The following PLXNA2 variants were observed in gnomAD, a reference collection of about 807,000 sequenced individuals.
PLXNA2 encodes plexin-A2.
PLXNA2 carries 91 observed loss-of-function variants against 193.5 expected under a neutral mutation model. The ratio of observed to expected loss-of-function variants is 0.47; its 90% CI spans 0.40 to 0.56. The LOEUF is 0.56. Among genes scored for constraint, PLXNA2 ranks in the 20% least tolerant of loss-of-function variants. The pLI, the probability that PLXNA2 is intolerant of heterozygous loss-of-function variation, is 0.00. For missense variants in PLXNA2, 1,995 were observed against 2,503.2 expected (o/e 0.80, Z 4.33); for synonymous variants, 997 against 1,027.3 (o/e 0.97, Z 0.56).
chr1:208,108,006 T>A (rs1667328293), intron 4 of PLXNA2, among the ~76,000 whole-genome samples: 1 of 152,222 alleles, frequency 6.6e-6, no homozygotes, highest in Non-Finnish European at 1.5e-5. Flanking sequence ...TACTCTTATT[T>A]AAAGGTGACT....
chr1:208,235,918 G>C (rs1390649676), intron 1 of PLXNA2, among the ~76,000 whole-genome samples: 2 of 152,182 alleles, frequency 1.3e-5, no homozygotes, highest in African/African-American at 2.4e-5. Context: ...ATAAACCTCA[G>C]GGGGTGGGGT....
intron 3 of PLXNA2, among the ~76,000 whole-genome samples, chr1:208,194,348 C>T (rs1287368331): frequency 6.6e-6 from 1 of 151,730 alleles, no homozygotes; most frequent in African/African-American, 2.4e-5. Context: ...CTCCATGCAG[C>T]CCACCCGATG....
intron 6 of PLXNA2, 48 bp downstream of exon 6, chr1:208,098,798 T>C (rs755193312): frequency 6.3e-7 from 1 of 1,595,308 alleles, no homozygotes; most frequent in Non-Finnish European, 8.6e-7. Flanking sequence ...CCCACACAGG[T>C]GCATGCACTG....
intron 9 of PLXNA2, among the ~76,000 whole-genome samples, chr1:208,085,792 T>C (rs1262445523): frequency 6.6e-6 from 1 of 152,202 alleles, no homozygotes; most frequent in Non-Finnish European, 1.5e-5. Context: ...CCAGCCATAC[T>C]GAATGTATGG....
chr1:208,115,865 A>C (rs910413797), intron 4 of PLXNA2, among the ~76,000 whole-genome samples: 3 of 152,238 alleles, frequency 2.0e-5, no homozygotes, highest in Admixed American at 6.5e-5. Flanking sequence ...CAATAATACA[A>C]AACACAGTTT....
chr1:208,092,833 CA>C lies in PLXNA2; in HGVS notation c.2049del (p.His683GlnfsTer29). ...TCCTGGAAGGAGCAGGTGGTGGGGT[CA>C]TGAGTGCAGAGGTTGCGGTACTTGC... ...HWCKYRNLCT[H>X]DPTTCSFQEG... On this transcript the variant is annotated frameshift_variant, in exon 9 of 32. Coordinates refer to ENST00000367033, the MANE Select transcript of PLXNA2 (RefSeq NM_025179.4). LOFTEE classifies it high-confidence loss of function. The C allele has an allele frequency of 6.2e-7, 1 of 1,613,986 alleles. No homozygotes were observed. Among genetic ancestry groups the C allele is most frequent in the Non-Finnish European group, 8.5e-7 (1 of 1,179,944 alleles).
chr1:208,039,709 T>C lies in PLXNA2; in HGVS notation c.4412A>G (p.Lys1471Arg). The change falls in exon 24 of 32, where the codon AAG becomes AGG. Residue 1471 changes from lysine (K) to arginine (R), a missense_variant. By Grantham distance (26) the Lys-to-Arg change is conservative. Transcript: ENST00000367033. Reference sequence around the variant, plus strand: ...GCCCGTGATGGCATCAATGGGGCCCTTCTCCATCTGCTGCTTGATGGCACA... The same window carrying C: ...GCCCGTGATGGCATCAATGGGGCCCCTCTCCATCTGCTGCTTGATGGCACA... The part of the protein sequence containing the change: ...LYCAIKQQME[K>R]GPIDAITGEA... The C allele has an allele frequency of 6.2e-7, 1 of 1,614,188 alleles. No homozygotes were observed. Among genetic ancestry groups the C allele is most frequent in the Non-Finnish European group, 8.5e-7 (1 of 1,180,042 alleles).
chr1:208,178,948 G>T lies in PLXNA2; in HGVS notation c.1371+31332C>A, dbSNP rs187978901. Among the ~76,000 whole-genome samples the T allele has an allele frequency of 1.4e-3, 218 of 152,330 alleles. 1 individual carries two copies. The highest frequency in any genetic ancestry group is 5.0e-3 in the African/African-American group (207 of 41,564). ...TGAGAACAACTAGTTTAGGGTGTGG[G>T]TTGAAGTCTTTTTCTTGGTTTAAAG... On this transcript the variant is annotated intron_variant, in intron 3 of 31. Transcript: ENST00000367033.
chr1:208,200,285 A>T (rs1444958080), intron 3 of PLXNA2, among the ~76,000 whole-genome samples: 1 of 152,180 alleles, frequency 6.6e-6, no homozygotes, highest in Non-Finnish European at 1.5e-5. Flanking sequence ...AGAGCTCCAG[A>T]TTCATTTTCA....
At chr1:208,177,264 C>T (rs1322540532) in intron 3 of PLXNA2, among the ~76,000 whole-genome samples, 2 of 151,916 alleles carry the variant, frequency 1.3e-5, no homozygotes, top group Non-Finnish European at 2.9e-5. Flanking sequence ...ATTCAGAGTC[C>T]AGCATAGTGC....
At chr1:208,207,173 T>A (rs533638452) in intron 3 of PLXNA2, among the ~76,000 whole-genome samples, 100 of 152,254 alleles carry the variant, frequency 6.6e-4, no homozygotes, top group African/African-American at 2.4e-3. Flanking sequence ...GCCTAGCTAA[T>A]TTTTGTATTT....
At chr1:208,029,724 T>TTCCTCTTGTC (rs1368279547) in intron 29 of PLXNA2, 2 of 985,712 alleles carry the variant, frequency 2.0e-6, no homozygotes, top group Non-Finnish European at 2.4e-6. Context: ...AACCGATCAG[T>TTCCTCTTGTC]AGTTAGGAGA....
At chr1:208,212,218 C>G (rs1456962849) in intron 2 of PLXNA2, among the ~76,000 whole-genome samples, 1 of 152,202 alleles carries the variant, frequency 6.6e-6, no homozygotes, top group African/African-American at 2.4e-5. Flanking sequence ...CACCATCACT[C>G]GTTGACAGCC....
At chr1:208,128,553 T>C (rs1426690577) in intron 4 of PLXNA2, among the ~76,000 whole-genome samples, 2 of 152,212 alleles carry the variant, frequency 1.3e-5, no homozygotes, top group Non-Finnish European at 2.9e-5. Context: ...AGAGCCAAGA[T>C]TTGAATACAA....
intron 22 of PLXNA2, 40 bp downstream of exon 22, chr1:208,042,058 G>T (rs760208501): frequency 6.2e-7 from 1 of 1,600,006 alleles, no homozygotes; most frequent in Non-Finnish European, 8.5e-7. Context: ...TCCAGGTTCA[G>T]ACTCCTGCCA....
At chr1:208,243,363 G>A (rs1225324256) in intron 1 of PLXNA2, among the ~76,000 whole-genome samples, 1 of 152,014 alleles carries the variant, frequency 6.6e-6, no homozygotes, top group Non-Finnish European at 1.5e-5. Flanking sequence ...CGCTGCTGCC[G>A]CCCTCAGCCC....
intron 3 of PLXNA2, among the ~76,000 whole-genome samples, chr1:208,194,485 G>GAA (rs11358576): frequency 1.9e-4 from 24 of 128,806 alleles, no homozygotes; most frequent in African/African-American, 6.4e-4. Flanking sequence ...AAAAAAGAAA[G>GAA]AAAAAAAAAA....
At chr1:208,109,579 G>C (rs1223396094) in intron 4 of PLXNA2, among the ~76,000 whole-genome samples, 1 of 152,230 alleles carries the variant, frequency 6.6e-6, no homozygotes, top group Non-Finnish European at 1.5e-5. Flanking sequence ...GAGAGGAAGA[G>C]AGGACAGGTA....
At chr1:208,126,032 A>T (rs985062135) in intron 4 of PLXNA2, among the ~76,000 whole-genome samples, 2 of 152,224 alleles carry the variant, frequency 1.3e-5, no homozygotes, top group African/African-American at 4.8e-5. Context: ...AAACACCTGC[A>T]TGCTCTTTAG....
Sources: allele counts gnomAD v4.1 joint callset (sites outside exome capture counted in the v4.1 genomes callset), GRCh38; gene constraint gnomAD v4.1.1; transcripts MANE v1.5; gene names NCBI Gene and HGNC (gene_info 2026-07-23, HGNC 2026-07-21).